Variants in CCDC148 observed in about 807,000 individuals in gnomAD.
CCDC148 encodes coiled-coil domain containing 148.
Under a neutral mutation model 85.7 loss-of-function variants are expected in CCDC148, and 89 were observed. That is an observed-to-expected ratio of 1.04 (90% CI 0.87 to 1.24). CCDC148 has a LOEUF of 1.24. Ranked by LOEUF, CCDC148 falls within the 50% of genes most tolerant of loss-of-function variation. CCDC148 has a pLI of 0.00. For synonymous variants in CCDC148, 230 were observed against 213.9 expected, an observed-to-expected ratio of 1.08 and a Z score of -0.66; for missense variants, 692 against 671.7, an observed-to-expected ratio of 1.03 and a Z score of -0.33.
At chr2:158,376,727 GA>G (rs1328396135) in intron 1 of CCDC148, among the ~76,000 whole-genome samples, 1 of 151,520 alleles carries the variant, frequency 6.6e-6, no homozygotes, top group Non-Finnish European at 1.5e-5. Flanking sequence ...ACAAAAAGAG[GA>G]AAAAAAATTT....
In CCDC148 at chr2:158,440,923, G is replaced by C. The variant is rs528492103; in HGVS notation, c.25+15492C>G. On this transcript the variant is annotated intron_variant, in intron 1 of 13. Coordinates refer to ENST00000283233, the MANE Select transcript of CCDC148 (RefSeq NM_138803.4). ...GAGCCAGGCATAGTGGTGCACACCTGTAAGTAGCAGCTACTTGGGAGGCTG... is the reference window on the plus strand; with the variant it reads ...GAGCCAGGCATAGTGGTGCACACCTCTAAGTAGCAGCTACTTGGGAGGCTG... Among the ~76,000 whole-genome samples the C allele has an allele frequency of 1.2e-3, 188 of 152,258 alleles. 2 individuals carry two copies. Among genetic ancestry groups the C allele is most frequent in the African/African-American group, 4.4e-3 (182 of 41,544 alleles).
rs148933658 is a variant in CCDC148, at chr2:158,422,355, C to T, written c.25+34060G>A. On this transcript the variant is annotated intron_variant, in intron 1 of 13. Coordinates refer to ENST00000283233, the MANE Select transcript of CCDC148 (RefSeq NM_138803.4). ...AATCCTCAATAAAGTACTGGCAAAC[C>T]GAATCCAGCATATCAAAAAGCTTAT... is the stretch of plus-strand genomic sequence containing the variant. Among the ~76,000 whole-genome samples the T allele has an allele frequency of 1.5e-4, 23 of 152,044 alleles. No individual in the cohort carries two copies. In the East Asian group the frequency reaches 3.5e-3, roughly 23 times the overall value.
intron 7 of CCDC148, among the ~76,000 whole-genome samples, chr2:158,338,107 AGAGTGGTGTATCCG>A (rs1682482221): frequency 6.6e-6 from 1 of 152,122 alleles, no homozygotes; most frequent in Non-Finnish European, 1.5e-5. Flanking sequence ...GATCTAGTTC[AGAGTGGTGTATCCG>A]GATTTGTCAT....
intron 11 of CCDC148, among the ~76,000 whole-genome samples, chr2:158,211,657 A>G (rs1367590679): frequency 2.0e-5 from 3 of 152,210 alleles, no homozygotes; most frequent in African/African-American, 7.2e-5. Context: ...TCAGCAAACG[A>G]CATGCTTCAA....
intron 9 of CCDC148, among the ~76,000 whole-genome samples, chr2:158,261,179 C>A (rs777528598): frequency 3.3e-5 from 5 of 151,864 alleles, no homozygotes; most frequent in African/African-American, 7.3e-5. Context: ...GCACATAAAC[C>A]AACAGAACAG....
At chr2:158,220,822 G>T in intron 10 of CCDC148, 109 bp from the exon 11 acceptor site, 1 of 779,174 alleles carries the variant, frequency 1.3e-6, no homozygotes, top group Non-Finnish European at 2.0e-6. Context: ...AATTTAAAGG[G>T]CACTTCATCT....
chr2:158,424,073 G>C (rs948360217), intron 1 of CCDC148, among the ~76,000 whole-genome samples: 1 of 152,212 alleles, frequency 6.6e-6, no homozygotes, highest in African/African-American at 2.4e-5. Flanking sequence ...AACAACAGGT[G>C]TTGGAGAGGA....
chr2:158,279,102 G>C (rs368089209), intron 9 of CCDC148, among the ~76,000 whole-genome samples: 3 of 152,084 alleles, frequency 2.0e-5, no homozygotes, highest in South Asian at 4.1e-4. Context: ...CAAACAGAAA[G>C]GACATCCACA....
At chr2:158,439,398 T>C (rs187905112) in intron 1 of CCDC148, among the ~76,000 whole-genome samples, 3 of 152,262 alleles carry the variant, frequency 2.0e-5, no homozygotes, top group Admixed American at 2.0e-4. Context: ...ACACCGCATG[T>C]TCTCACTCAT....
chr2:158,374,576 G>C (rs1684579942), intron 1 of CCDC148, among the ~76,000 whole-genome samples: 1 of 151,908 alleles, frequency 6.6e-6, no homozygotes, highest in Admixed American at 6.6e-5. Context: ...CCAAACTGAA[G>C]AGGATGCTGC....
intron 11 of CCDC148, among the ~76,000 whole-genome samples, chr2:158,212,134 C>T (rs1366995434): frequency 6.6e-6 from 1 of 152,106 alleles, no homozygotes; most frequent in Non-Finnish European, 1.5e-5. Context: ...AACAGACAGT[C>T]CTATTAAGAA....
At chr2:158,436,791 G>T (rs973769742) in intron 1 of CCDC148, among the ~76,000 whole-genome samples, 1 of 151,922 alleles carries the variant, frequency 6.6e-6, no homozygotes. Flanking sequence ...ATGATAAAGG[G>T]GATATCACCA....
intron 9 of CCDC148, among the ~76,000 whole-genome samples, chr2:158,261,625 C>T (rs1434680924): frequency 1.3e-5 from 2 of 151,572 alleles, no homozygotes; most frequent in South Asian, 2.1e-4. Flanking sequence ...ATGCATCTGA[C>T]AAAGGTCTAA....
chr2:158,336,279 A>G (rs529962736), intron 7 of CCDC148, among the ~76,000 whole-genome samples: 1 of 152,302 alleles, frequency 6.6e-6, no homozygotes, highest in East Asian at 1.9e-4. Context: ...ACTGATAGCC[A>G]CCACCTCTGT....
At chr2:158,366,355 G>A (rs1338112062) in intron 1 of CCDC148, among the ~76,000 whole-genome samples, 1 of 152,098 alleles carries the variant, frequency 6.6e-6, no homozygotes, top group Non-Finnish European at 1.5e-5. Context: ...TTATTAGAAA[G>A]TTGTTATGTG....
chr2:158,186,773 G>C (rs750755485), intron 11 of CCDC148, among the ~76,000 whole-genome samples: 1 of 151,892 alleles, frequency 6.6e-6, no homozygotes, highest in Non-Finnish European at 1.5e-5. Context: ...AATCTTGCTA[G>C]GTCCCAGGTT....
chr2:158,373,102 A>T (rs1286399016), intron 1 of CCDC148, among the ~76,000 whole-genome samples: 1 of 152,086 alleles, frequency 6.6e-6, no homozygotes, highest in East Asian at 1.9e-4. Flanking sequence ...GAAGGGCCTC[A>T]TTAGAAGGAG....
At chr2:158,257,865 G>A (rs867746056) in intron 9 of CCDC148, among the ~76,000 whole-genome samples, 1 of 151,938 alleles carries the variant, frequency 6.6e-6, no homozygotes, top group Middle Eastern at 3.4e-3. Context: ...ATGCCAATAA[G>A]CAGAAAATTA....
intron 1 of CCDC148, among the ~76,000 whole-genome samples, chr2:158,361,072 T>C (rs891978457): frequency 1.3e-5 from 2 of 151,338 alleles, no homozygotes; most frequent in African/African-American, 4.9e-5. Context: ...AGAAAGGATA[T>C]CAGAGATTAA....
Sources: allele counts gnomAD v4.1 joint callset (sites outside exome capture counted in the v4.1 genomes callset), GRCh38; gene constraint gnomAD v4.1.1; transcripts MANE v1.5; gene names NCBI Gene and HGNC (gene_info 2026-07-23, HGNC 2026-07-21).